The following SLC7A2 variants were observed in gnomAD, a reference collection of about 807,000 sequenced individuals.
The protein encoded by SLC7A2 is solute carrier family 7 member 2, also known as cationic amino acid transporter 2.
SLC7A2 carries 48 observed loss-of-function variants against 58.9 expected under a neutral mutation model. The observed-to-expected ratio is 0.82, with a 90% confidence interval of 0.65 to 1.04. The LOEUF (loss-of-function observed/expected upper bound fraction) is 1.04. SLC7A2 is among the 50% of genes least tolerant of loss of function. The pLI, the probability that SLC7A2 is intolerant of heterozygous loss-of-function variation, is 0.00. For synonymous variants in SLC7A2, 363 were observed against 314.5 expected (o/e 1.15, Z -1.63); for missense variants, 1,029 against 818.8 (o/e 1.26, Z -3.13).
chr8:17,548,058 G>A (rs930691217), intron 4 of SLC7A2, among the ~76,000 whole-genome samples: 3 of 152,176 alleles, frequency 2.0e-5, no homozygotes, highest in Non-Finnish European at 4.4e-5. Flanking sequence ...TCGCAACTGG[G>A]CCGGGCATTG....
At chr8:17,543,957 C>T (rs1802043721) in intron 3 of SLC7A2, among the ~76,000 whole-genome samples, 2 of 152,228 alleles carry the variant, frequency 1.3e-5, no homozygotes, top group Admixed American at 6.5e-5. Flanking sequence ...CAACCTCTGC[C>T]TCCTGGCTTC....
chr8:17,521,884 T>C (rs1801028945), intron 2 of SLC7A2, among the ~76,000 whole-genome samples: 3 of 152,206 alleles, frequency 2.0e-5, no homozygotes, highest in Non-Finnish European at 4.4e-5. Flanking sequence ...GTCAAGCCAC[T>C]TCCACAGGGA....
intron 10 of SLC7A2, among the ~76,000 whole-genome samples, chr8:17,561,584 A>G (rs1004666255): frequency 6.6e-6 from 1 of 152,138 alleles, no homozygotes; most frequent in Non-Finnish European, 1.5e-5. Context: ...AAATAACCAG[A>G]TGTGCCATTT....
intron 2 of SLC7A2, among the ~76,000 whole-genome samples, chr8:17,532,928 A>T (rs1012456693): frequency 6.6e-6 from 1 of 151,872 alleles, no homozygotes; most frequent in Admixed American, 6.6e-5. Context: ...AACTTAAACT[A>T]TAACTTACTT....
intron 2 of SLC7A2, among the ~76,000 whole-genome samples, chr8:17,524,845 A>C (rs1801160810): frequency 6.6e-6 from 1 of 152,014 alleles, no homozygotes; most frequent in African/African-American, 2.4e-5. Flanking sequence ...ATACAGAGCC[A>C]GTGTGCAATC....
intron 8 of SLC7A2, among the ~76,000 whole-genome samples, chr8:17,557,126 C>G (rs1382041141): frequency 6.6e-6 from 1 of 152,072 alleles, no homozygotes; most frequent in Non-Finnish European, 1.5e-5. Flanking sequence ...ATTTTATATG[C>G]CTAAACATAA....
At chr8:17,516,827 A>T (rs1800823616) in intron 2 of SLC7A2, among the ~76,000 whole-genome samples, 1 of 152,222 alleles carries the variant, frequency 6.6e-6, no homozygotes, top group Non-Finnish European at 1.5e-5. Flanking sequence ...GTATCCATTG[A>T]TTCAGGAAAT....
intron 2 of SLC7A2, 93 bp from the exon 3 acceptor site, chr8:17,543,225 C>T: frequency 8.6e-7 from 1 of 1,157,290 alleles, no homozygotes; most frequent in Non-Finnish European, 1.2e-6. Flanking sequence ...CAAACACACA[C>T]ACACACATAC....
At chr8:17,496,677 AT>A (rs1799965574), upstream of SLC7A2, among the ~76,000 whole-genome samples, 1 of 152,178 alleles carries the variant, frequency 6.6e-6, no homozygotes, top group African/African-American at 2.4e-5. Flanking sequence ...CATTGCTATT[AT>A]TATATTTTAT....
chr8:17,532,121 T>C (rs761974226), intron 2 of SLC7A2, among the ~76,000 whole-genome samples: 1 of 149,474 alleles, frequency 6.7e-6, no homozygotes. Context: ...TCCCAGCTAC[T>C]TGGGAGGCTG....
At chr8:17,501,807 T>C (rs766531600) in intron 1 of SLC7A2, among the ~76,000 whole-genome samples, 10 of 151,868 alleles carry the variant, frequency 6.6e-5, no homozygotes, top group African/African-American at 7.3e-5. Context: ...TCTACAGAAC[T>C]GAGCCTAATC....
chr8:17,505,480 C>T (rs542449276), intron 2 of SLC7A2, among the ~76,000 whole-genome samples: 1 of 152,246 alleles, frequency 6.6e-6, no homozygotes, highest in African/African-American at 2.4e-5. Flanking sequence ...CCCTTCTCAA[C>T]TAGTGCCATG....
At position 17,565,450 on chromosome 8, in the gene SLC7A2, G is replaced by A. The variant is rs186345827; in HGVS notation, c.*304G>A. The A allele has an allele frequency of 4.0e-6, 1 of 251,070 alleles. No individual in the cohort carries two copies. Among genetic ancestry groups the A allele is most frequent in the Non-Finnish European group, 7.7e-6 (1 of 130,576 alleles). 15.6% of individuals were successfully genotyped at this position (251,070 alleles called of 1,614,324 possible). A position where few individuals can be genotyped will look rare whatever the true frequency, so the allele number is the denominator to read the frequency against. On this transcript the variant is annotated 3_prime_UTR_variant, in exon 13 of 13. Coordinates refer to ENST00000494857, the MANE Select transcript of SLC7A2 (RefSeq NM_001370338.1). ...GGAACATGAGTGTTACAAGTTAGCT[G>A]GTGTTTTACTATTATTGTGTTACAT...
At chr8:17,518,780 A>G (rs890057322) in intron 2 of SLC7A2, among the ~76,000 whole-genome samples, 2 of 152,230 alleles carry the variant, frequency 1.3e-5, no homozygotes, top group African/African-American at 2.4e-5. Flanking sequence ...ATTGATCTGT[A>G]CTAGCATCTT....
chr8:17,503,411 G>A (rs542883262), intron 2 of SLC7A2, among the ~76,000 whole-genome samples: 1 of 152,114 alleles, frequency 6.6e-6, no homozygotes, highest in African/African-American at 2.4e-5. Context: ...TTTAGATCGC[G>A]AGTTTTTTCC....
chr8:17,528,138 T>C (rs1366657649), intron 2 of SLC7A2, among the ~76,000 whole-genome samples: 1 of 151,700 alleles, frequency 6.6e-6, no homozygotes, highest in African/African-American at 2.4e-5. Context: ...GCAGCTCAAG[T>C]GGAGGAGGAG....
intron 2 of SLC7A2, among the ~76,000 whole-genome samples, chr8:17,528,909 C>G (rs1288700231): frequency 1.3e-5 from 2 of 152,054 alleles, no homozygotes; most frequent in African/African-American, 4.8e-5. Context: ...GTCCTTGAAA[C>G]TCGGGGCTCT....
At chr8:17,542,926 C>T (rs961457780) in intron 2 of SLC7A2, among the ~76,000 whole-genome samples, 2 of 151,674 alleles carry the variant, frequency 1.3e-5, no homozygotes, top group African/African-American at 2.4e-5. Context: ...TGTGCCACTG[C>T]CCTCCAGCCT....
At chr8:17,503,386 A>C (rs182552615) in intron 2 of SLC7A2, among the ~76,000 whole-genome samples, 1 of 152,220 alleles carries the variant, frequency 6.6e-6, no homozygotes, top group Admixed American at 6.5e-5. Flanking sequence ...TATGCTTCAG[A>C]AGGGTGGCTT....
Sources: gnomAD v4.1 joint callset for allele counts (sites outside exome capture counted in the v4.1 genomes callset) on GRCh38, gnomAD v4.1.1 for gene constraint, MANE v1.5 for transcripts, NCBI Gene and HGNC (gene_info 2026-07-23, HGNC 2026-07-21) for gene names.